SGK3: variants seen among roughly 807,000 people sequenced by gnomAD.
SGK3 encodes the protein serine/threonine-protein kinase Sgk3.
Under a neutral mutation model 68.5 loss-of-function variants are expected in SGK3, and 47 were observed. That is an observed-to-expected ratio of 0.69 (90% CI 0.54 to 0.87). The LOEUF (loss-of-function observed/expected upper bound fraction) is 0.87, where lower values mean the gene tolerates loss of function less well. SGK3 is among the 40% of genes least tolerant of loss of function. SGK3 has a pLI of 0.00. For synonymous variants in SGK3, 181 were observed against 189.1 expected (o/e 0.96, Z 0.35); for missense variants, 479 against 575.5 (o/e 0.83, Z 1.72).
chr8:66,779,585 TATATATATATATATATAA>T (rs1486751685), intron 1 of SGK3, among the ~76,000 whole-genome samples: 4 of 136,062 alleles, frequency 2.9e-5, no homozygotes, highest in South Asian at 4.5e-4. Context: ...TATATATATA[TATATATATATATATATAA>T]AACACATTTT....
At chr8:66,713,592 CTG>C (rs981596580) in intron 1 of SGK3, among the ~76,000 whole-genome samples, 1 of 152,208 alleles carries the variant, frequency 6.6e-6, no homozygotes, top group African/African-American at 2.4e-5. Context: ...GAAAAATAGA[CTG>C]TTGTGTATTT....
rs778542709 is a variant in SGK3, at chr8:66,861,230, A to G, written c.*1649A>G. ...CAGGCAGATGTGTATTCAGTATCCA[A>G]TTCAATATATCTTAGAAAAAGCACA... On this transcript the variant is annotated 3_prime_UTR_variant, in exon 17 of 17. Transcript: ENST00000521198. 2 of 152,342 alleles carry G rather than the reference A, an allele frequency of 1.3e-5. No homozygotes were observed. The highest frequency in any genetic ancestry group is 2.9e-5 in the Non-Finnish European group (2 of 68,036). 9.4% of individuals were successfully genotyped at this position (152,342 alleles called of 1,614,324 possible).
chr8:66,781,772 G>T (rs6998777), intron 1 of SGK3, among the ~76,000 whole-genome samples: 2 of 152,070 alleles, frequency 1.3e-5, no homozygotes, highest in Admixed American at 1.3e-4. Context: ...AATCGGATAA[G>T]TAAAAGGTGC....
intron 16 of SGK3, among the ~76,000 whole-genome samples, chr8:66,851,178 G>C (rs1371995962): frequency 1.3e-5 from 2 of 152,096 alleles, no homozygotes; most frequent in Non-Finnish European, 2.9e-5. Context: ...TATAAGAAAA[G>C]AATGAACTCA....
chr8:66,771,078 G>A lies in SGK3; in HGVS notation c.-121-22538G>A, dbSNP rs1806495876. Among the ~76,000 whole-genome samples the A allele has an allele frequency of 2.0e-5, 3 of 152,030 alleles. No individual in the cohort carries two copies. In the South Asian group the frequency reaches 6.2e-4, roughly 32 times the overall value. On this transcript the variant is annotated intron_variant, in intron 1 of 16. Coordinates refer to ENST00000521198, the MANE Select transcript of SGK3 (RefSeq NM_001033578.3). The stretch of plus-strand genomic sequence containing the variant: ...TCCTTTTGGTTGGTTCAGGTGGGAG[G>A]GTCAATTTGGTCCTTGTTACTCCAT...
At chr8:66,851,022 T>C in intron 16 of SGK3, 102 bp downstream of exon 16, 1 of 1,227,618 alleles carries the variant, frequency 8.1e-7, no homozygotes, top group Non-Finnish European at 1.1e-6. Flanking sequence ...TTAAATGGAG[T>C]CATTACCTAA....
At chr8:66,729,225 G>A (rs1414204242) in intron 1 of SGK3, among the ~76,000 whole-genome samples, 1 of 149,636 alleles carries the variant, frequency 6.7e-6, no homozygotes, top group Non-Finnish European at 1.5e-5. Context: ...GGGAGGCCGA[G>A]GCAGGCGGAT....
chr8:66,745,097 T>C (rs1805615718), intron 1 of SGK3, among the ~76,000 whole-genome samples: 1 of 152,166 alleles, frequency 6.6e-6, no homozygotes, highest in African/African-American at 2.4e-5. Flanking sequence ...TTGGTTTTTC[T>C]TTTAATAGAC....
intron 13 of SGK3, 136 bp from the exon 14 acceptor site, chr8:66,843,316 C>A (rs770768184): frequency 1.4e-6 from 1 of 730,974 alleles, no homozygotes; most frequent in Non-Finnish European, 2.2e-6. Flanking sequence ...ATGAGAATAT[C>A]CAACCCACTG....
At chr8:66,846,812 G>C (rs1291900065) in intron 14 of SGK3, among the ~76,000 whole-genome samples, 1 of 152,144 alleles carries the variant, frequency 6.6e-6, no homozygotes, top group Non-Finnish European at 1.5e-5. Flanking sequence ...TTGTTTCAGT[G>C]AGTTTATTCC....
chr8:66,799,032 G>A (rs767005287), intron 3 of SGK3, among the ~76,000 whole-genome samples: 4 of 152,176 alleles, frequency 2.6e-5, no homozygotes, highest in Admixed American at 6.5e-5. Flanking sequence ...TTAGAGATAT[G>A]TCTTAGGTTC....
At chr8:66,734,995 G>A (rs2130378622) in intron 1 of SGK3, among the ~76,000 whole-genome samples, 1 of 150,868 alleles carries the variant, frequency 6.6e-6, no homozygotes, top group Non-Finnish European at 1.5e-5. Flanking sequence ...TGTTTTGAAA[G>A]AGACCACATT....
chr8:66,785,477 T>A (rs1411447075), intron 1 of SGK3, among the ~76,000 whole-genome samples: 1 of 152,192 alleles, frequency 6.6e-6, no homozygotes, highest in African/African-American at 2.4e-5. Context: ...CTGTTGACGT[T>A]TTGGGTCAAA....
intron 1 of SGK3, among the ~76,000 whole-genome samples, chr8:66,783,674 T>C (rs1807083843): frequency 6.6e-6 from 1 of 152,004 alleles, no homozygotes; most frequent in South Asian, 2.1e-4. Flanking sequence ...CATACCATCA[T>C]GCTTTGCTAA....
In SGK3 at chr8:66,839,791, A is replaced by G. The variant is rs563776846; in HGVS notation, c.742-212A>G. ...ATGAGTGACATTAGCAAGGGTAAAC[A>G]AAGACACGTGGTTGAAGAGAGAGAA... On this transcript the variant is annotated intron_variant, in intron 10 of 16. Coordinates refer to ENST00000521198, the MANE Select transcript of SGK3 (RefSeq NM_001033578.3). The G allele has an allele frequency of 7.0e-5, 35 of 498,168 alleles. 1 individual carries two copies. Among genetic ancestry groups the G allele is most frequent in the African/African-American group, 5.9e-4 (30 of 50,694 alleles). 30.9% of individuals were successfully genotyped at this position (498,168 alleles called of 1,614,324 possible).
In SGK3 at chr8:66,793,668, G is replaced by C; in HGVS notation, c.-69G>C. 6.9e-7 allele frequency: 1 copy of C among 1,451,294 alleles called. No individual in the cohort carries two copies. The highest frequency in any genetic ancestry group is 1.3e-5 in the South Asian group (1 of 77,234). 89.9% of individuals were successfully genotyped at this position (1,451,294 alleles called of 1,614,324 possible). On this transcript the variant is annotated 5_prime_UTR_variant, in exon 2 of 17. An upstream open reading frame in the 5' UTR loses its in-frame stop. Transcript: ENST00000521198. ...TCAAGAGGTTTTGTATTTTGGATTA[G>C]TTAATTGGGTTTGTCCTCTGCTGAC...
At position 66,843,490 on chromosome 8, in the gene SGK3, C is replaced by T; in HGVS notation, c.1017C>T (p.Asp339=). The change falls in exon 14 of 17, where the codon GAC becomes GAT. Residue 339 remains aspartate, a synonymous_variant. Coordinates refer to ENST00000521198, the MANE Select transcript of SGK3 (RefSeq NM_001033578.3). ...APEVIRKQPY[D]NTVDWWCLGA... ...AAGTAATTAGAAAACAGCCCTATGACAATACTGTAGATTGGTGGTGCCTTG... is the reference window on the plus strand; with the variant it reads ...AAGTAATTAGAAAACAGCCCTATGATAATACTGTAGATTGGTGGTGCCTTG... The T allele has an allele frequency of 6.2e-7, 1 of 1,613,936 alleles. No homozygotes were observed. Among genetic ancestry groups the T allele is most frequent in the Admixed American group, 1.7e-5 (1 of 60,012 alleles).
intron 3 of SGK3, among the ~76,000 whole-genome samples, chr8:66,803,670 A>T (rs534634978): frequency 8.4e-4 from 123 of 146,748 alleles, no homozygotes; most frequent in Middle Eastern, 8.1e-3. Context: ...ATATATAATT[A>T]TTTTTTTTGA....
chr8:66,728,872 C>T (rs1284094135), intron 1 of SGK3, among the ~76,000 whole-genome samples: 1 of 151,464 alleles, frequency 6.6e-6, no homozygotes, highest in Non-Finnish European at 1.5e-5. Context: ...ACTATGATCA[C>T]ACCACTGCAC....
Sources: gnomAD v4.1 joint callset for allele counts (sites outside exome capture counted in the v4.1 genomes callset) on GRCh38, gnomAD v4.1.1 for gene constraint, MANE v1.5 for transcripts, NCBI Gene and HGNC (gene_info 2026-07-23, HGNC 2026-07-21) for gene names.